SPOCK3: variants seen among roughly 807,000 people sequenced by gnomAD.
The protein encoded by SPOCK3 is SPARC (osteonectin), cwcv and kazal like domains proteoglycan 3, also known as testican-3.
A neutral mutation model predicts 56.6 loss-of-function variants in SPOCK3; 30 were observed. The observed-to-expected ratio is 0.53, with a 90% CI of 0.40 to 0.72. SPOCK3 has a LOEUF of 0.72. SPOCK3 is among the 30% of genes least tolerant of loss of function. The probability of loss-of-function intolerance (pLI) is 0.00; values close to 1 mark genes in which losing one functional copy is unlikely to be tolerated. For missense variants in SPOCK3, 527 were observed against 530.0 expected (o/e 0.99, Z 0.06); for synonymous variants, 196 against 183.3 (o/e 1.07, Z -0.56).
At chr4:167,046,677 C>T (rs182280200) in intron 3 of SPOCK3, among the ~76,000 whole-genome samples, 112 of 151,742 alleles carry the variant, frequency 7.4e-4, no homozygotes, top group Non-Finnish European at 1.2e-3. Context: ...AGGGTGGTCT[C>T]GAACTCCTAC....
chr4:166,894,889 T>C (rs1426168208), intron 5 of SPOCK3, among the ~76,000 whole-genome samples: 1 of 152,124 alleles, frequency 6.6e-6, no homozygotes, highest in Non-Finnish European at 1.5e-5. Flanking sequence ...TCTGCAAAAA[T>C]TTCTCATTTG....
intron 6 of SPOCK3, among the ~76,000 whole-genome samples, chr4:166,836,102 G>A (rs192837442): frequency 3.3e-5 from 5 of 152,176 alleles, no homozygotes; most frequent in East Asian, 1.9e-4. Flanking sequence ...GAATCTTAGC[G>A]GAGTACAATT....
chr4:167,196,521 T>C (rs35651504), intron 2 of SPOCK3, among the ~76,000 whole-genome samples: 6,315 of 152,176 alleles, frequency 0.041, 171 homozygotes, highest in Middle Eastern at 0.075. Context: ...TTCTTTCTTT[T>C]TTTTTTACAT....
rs1378413138 is a variant in SPOCK3 at position 166,792,820 on chromosome 4, C to CT, written c.590-532dup. 1.1e-4 allele frequency among the ~76,000 whole-genome samples: 17 copies of CT among 151,910 alleles called. No individual in the cohort carries two copies. In the East Asian group the frequency reaches 3.3e-3, roughly 29 times the overall value. ...GCACAGAAAAGAAACAGCTATATAA[C>CT]TTGTGATTAGGAAAAAACTATAAAA... On this transcript the variant is annotated intron_variant, in intron 6 of 10. Coordinates refer to ENST00000357545, the MANE Select transcript of SPOCK3 (RefSeq NM_001040159.2).
intron 6 of SPOCK3, among the ~76,000 whole-genome samples, chr4:166,823,595 G>A (rs1745157723): frequency 6.6e-6 from 1 of 152,028 alleles, no homozygotes; most frequent in African/African-American, 2.4e-5. Context: ...CAGCAGCACT[G>A]TGATCCTGCA....
intron 4 of SPOCK3, among the ~76,000 whole-genome samples, chr4:166,991,026 T>C (rs1164403720): frequency 6.6e-6 from 1 of 152,134 alleles, no homozygotes; most frequent in Non-Finnish European, 1.5e-5. Context: ...AGTAAATAAA[T>C]TATGCACATT....
At chr4:166,970,735 GA>G (rs11309205) in intron 4 of SPOCK3, among the ~76,000 whole-genome samples, 44,571 of 137,404 alleles carry the variant, frequency 0.32, 8,676 homozygotes, top group African/African-American at 0.58. Flanking sequence ...AAAAGAAAAA[GA>G]AAAAAAAAAA....
intron 7 of SPOCK3, among the ~76,000 whole-genome samples, chr4:166,765,743 T>A (rs992989593): frequency 1.3e-5 from 2 of 152,240 alleles, no homozygotes; most frequent in Non-Finnish European, 2.9e-5. Flanking sequence ...GGTAGCTTGA[T>A]GGGGATGGTA....
At chr4:166,806,005 C>T (rs1328082586) in intron 6 of SPOCK3, among the ~76,000 whole-genome samples, 1 of 151,954 alleles carries the variant, frequency 6.6e-6, no homozygotes, top group African/African-American at 2.4e-5. Flanking sequence ...AGTTTATACT[C>T]CATACACTGG....
chr4:166,938,659 GA>G (rs917023952), intron 4 of SPOCK3, among the ~76,000 whole-genome samples: 5 of 151,260 alleles, frequency 3.3e-5, no homozygotes, highest in African/African-American at 1.2e-4. Flanking sequence ...CAGGAGACAG[GA>G]AAAAAAGAGA....
At chr4:167,136,372 CT>C (rs1279179530) in intron 2 of SPOCK3, among the ~76,000 whole-genome samples, 14 of 151,582 alleles carry the variant, frequency 9.2e-5, no homozygotes, top group Middle Eastern at 6.8e-3. Context: ...TTCTTAATAC[CT>C]TTTTTTGGGC....
chr4:167,069,261 C>G (rs146980236), intron 2 of SPOCK3, among the ~76,000 whole-genome samples: 2 of 152,006 alleles, frequency 1.3e-5, no homozygotes, highest in East Asian at 3.9e-4. Flanking sequence ...CAGCCAACCA[C>G]CATAAGAGAA....
chr4:166,826,565 T>G (rs2126779933), intron 6 of SPOCK3, among the ~76,000 whole-genome samples: 1 of 152,234 alleles, frequency 6.6e-6, no homozygotes, highest in South Asian at 2.1e-4. Context: ...TGTGGAGAAC[T>G]CTCCAAATGG....
intron 6 of SPOCK3, among the ~76,000 whole-genome samples, chr4:166,871,518 A>C (rs546873375): frequency 6.6e-6 from 1 of 152,226 alleles, no homozygotes; most frequent in African/African-American, 2.4e-5. Flanking sequence ...AGCAATACAT[A>C]ATCTGAATAA....
At chr4:167,075,686 G>A (rs933198945) in intron 2 of SPOCK3, among the ~76,000 whole-genome samples, 2 of 151,846 alleles carry the variant, frequency 1.3e-5, no homozygotes, top group African/African-American at 4.8e-5. Context: ...TGTATGCCCA[G>A]GCTGGAATTC....
intron 2 of SPOCK3, among the ~76,000 whole-genome samples, chr4:167,187,748 C>T (rs894656144): frequency 6.6e-6 from 1 of 151,972 alleles, no homozygotes; most frequent in Non-Finnish European, 1.5e-5. Flanking sequence ...CCTTTATTAT[C>T]AAATGATTCC....
chr4:167,223,412 GATAT>G (rs1736269512), intron 2 of SPOCK3, among the ~76,000 whole-genome samples: 1 of 148,894 alleles, frequency 6.7e-6, no homozygotes, highest in South Asian at 2.1e-4. Context: ...TATAGAGAGA[GATAT>G]ATATTAAAGT....
At chr4:167,008,862 G>C (rs1749726770) in intron 3 of SPOCK3, among the ~76,000 whole-genome samples, 1 of 152,022 alleles carries the variant, frequency 6.6e-6, no homozygotes. Context: ...GGAAGCAGGG[G>C]AAGGACTGGA....
At chr4:167,064,565 G>T (rs1755919993) in intron 2 of SPOCK3, among the ~76,000 whole-genome samples, 1 of 151,678 alleles carries the variant, frequency 6.6e-6, no homozygotes. Flanking sequence ...TGAGGATGAT[G>T]ACTATGATTC....
Sources: gnomAD v4.1 joint callset for allele counts (sites outside exome capture counted in the v4.1 genomes callset) on GRCh38, gnomAD v4.1.1 for gene constraint, MANE v1.5 for transcripts, NCBI Gene and HGNC (gene_info 2026-07-23, HGNC 2026-07-21) for gene names.